The following WNK2 variants were observed in gnomAD, a reference collection of about 807,000 sequenced individuals.
The protein encoded by WNK2 is serine/threonine-protein kinase WNK2.
Under a neutral mutation model 192.1 loss-of-function variants are expected in WNK2, and 67 were observed. The observed-to-expected ratio is 0.35, with a 90% CI of 0.29 to 0.43. The LOEUF (loss-of-function observed/expected upper bound fraction) is 0.43, where lower values mean the gene tolerates loss of function less well. Among genes scored for constraint, WNK2 ranks in the 20% least tolerant of loss-of-function variants. The pLI, the probability that WNK2 is intolerant of heterozygous loss-of-function variation, is 1.00. For missense variants in WNK2, 2,698 were observed against 3,089.7 expected, an observed-to-expected ratio of 0.87 and a Z score of 3.01; for synonymous variants, 1,439 against 1,393.9, an observed-to-expected ratio of 1.03 and a Z score of -0.72.
rs981048099 is a variant in WNK2, at chr9:93,300,145, C to T, written c.6210C>T (p.Ser2070=). ...TCCTCAGTGGACCCGTATCTGTGTCCATCTGTCTGTATTTGTTCTTTTGTA... is the reference window on the plus strand; with the variant it reads ...TCCTCAGTGGACCCGTATCTGTGTCTATCTGTCTGTATTTGTTCTTTTGTA... ...ARFLSGPVSV[S]IWSALKRLCL... is the part of the protein sequence containing the mutation. The change falls in exon 26 of 30, where the codon TCC becomes TCT. Residue 2070 remains serine (S), a synonymous_variant. Transcript: ENST00000427277. The T allele has an allele frequency of 1.9e-6, 3 of 1,612,588 alleles. No individual in the cohort carries two copies. Among genetic ancestry groups the T allele is most frequent in the Non-Finnish European group, 2.5e-6 (3 of 1,179,126 alleles).
chr9:93,234,922 C>T lies in WNK2; in HGVS notation c.1190C>T (p.Ser397Leu), dbSNP rs1257653160. 9.9e-6 allele frequency: 16 copies of T among 1,614,164 alleles called. No homozygotes were observed. The highest frequency in any genetic ancestry group is 1.0e-5 in the Non-Finnish European group (12 of 1,179,998). The change falls in exon 5 of 30, where the codon TCG (serine) becomes TTG (leucine). Residue 397 changes from serine to leucine, a missense_variant. Ser to Leu is a moderately radical substitution (Grantham distance 145). This residue lies in a region of WNK2 where 230 missense variants were observed against 501.1 expected (regional missense o/e 0.46). Transcript: ENST00000427277. ...LEMATSEYPY[S>L]ECQNAAQIYR... ...ATGGCCACCTCGGAGTACCCCTACTCGGAGTGCCAGAATGCGGCCCAGATC... is the reference window on the plus strand; with the variant it reads ...ATGGCCACCTCGGAGTACCCCTACTTGGAGTGCCAGAATGCGGCCCAGATC...
At chr9:93,237,207 T>G (rs376928273) in intron 5 of WNK2, among the ~76,000 whole-genome samples, 399 of 152,372 alleles carry the variant, frequency 2.6e-3, no homozygotes, top group African/African-American at 9.0e-3. Flanking sequence ...ATCTATGGGC[T>G]TAGAGTTTCC....
intron 28 of WNK2, chr9:93,316,347 G>A (rs1030597108): frequency 6.6e-6 from 1 of 152,108 alleles, no homozygotes; most frequent in Non-Finnish European, 1.5e-5. Context: ...GGCTGGGAGT[G>A]GATTCAGTCT....
At position 93,263,719 on chromosome 9, in the gene WNK2, G is replaced by C. The variant is rs766852058; in HGVS notation, c.3564G>C (p.Arg1188=). The change falls in exon 15 of 30, where the codon CGG becomes CGC. Residue 1188 remains arginine (R), a synonymous_variant. Coordinates refer to ENST00000427277, the MANE Select transcript of WNK2 (RefSeq NM_006648.4). The part of the protein sequence containing the change: ...RSRQERASRP[R]LTILNVCNTG... The stretch of plus-strand genomic sequence containing the variant: ...GGCAGGAGAGGGCCAGCCGGCCCCG[G>C]CTTACCATCTTGAACGTGAGTGGGC... 54 of 1,515,624 alleles carry C rather than the reference G, an allele frequency of 3.6e-5. No homozygotes were observed. Among genetic ancestry groups the C allele is most frequent in the Non-Finnish European group, 3.0e-5 (34 of 1,136,202 alleles). 93.9% of individuals were successfully genotyped at this position (1,515,624 alleles called of 1,614,324 possible).
chr9:93,291,730 G>A (rs1219953650), intron 21 of WNK2, among the ~76,000 whole-genome samples: 4 of 152,166 alleles, frequency 2.6e-5, no homozygotes, highest in African/African-American at 4.8e-5. Context: ...GCCTACCCAC[G>A]AGTTTCTTTT....
chr9:93,318,586 AC>A lies in WNK2; in HGVS notation c.6628+958del, dbSNP rs550098324. On this transcript the variant is annotated intron_variant, in intron 29 of 29. Transcript: ENST00000427277. The stretch of plus-strand genomic sequence containing the variant: ...GATAAGGTGTGTGTTGGGCATAGAA[AC>A]CCTGGCTGCCCGCCCACCCTGTGGA... 220 of 1,607,960 alleles carry A rather than the reference AC, an allele frequency of 1.4e-4. No homozygotes were observed. In the African/African-American group the frequency reaches 2.8e-3, roughly 20 times the overall value.
intron 7 of WNK2, among the ~76,000 whole-genome samples, chr9:93,245,571 G>A (rs927453954): frequency 5.9e-5 from 9 of 152,216 alleles, no homozygotes; most frequent in African/African-American, 2.2e-4. Context: ...GGTGCACGGC[G>A]CCTGTGGCTT....
intron 12 of WNK2, among the ~76,000 whole-genome samples, chr9:93,261,161 G>A (rs1283087933): frequency 3.3e-5 from 5 of 152,186 alleles, no homozygotes; most frequent in Admixed American, 3.3e-4. Context: ...CCAACAGAGG[G>A]TCTCAGGGCC....
At chr9:93,188,133 C>T (rs892741923) in intron 2 of WNK2, among the ~76,000 whole-genome samples, 1 of 152,154 alleles carries the variant, frequency 6.6e-6, no homozygotes, top group Non-Finnish European at 1.5e-5. Flanking sequence ...GCCAGGAGCC[C>T]TTCTTGGAAT....
chr9:93,290,721 G>C (rs564999081), intron 21 of WNK2, among the ~76,000 whole-genome samples: 3 of 152,358 alleles, frequency 2.0e-5, no homozygotes, highest in South Asian at 2.1e-4. Context: ...GCGGTGGGGG[G>C]GGCGCTGTGA....
intron 2 of WNK2, among the ~76,000 whole-genome samples, chr9:93,197,786 G>T (rs962092565): frequency 2.6e-5 from 4 of 152,166 alleles, no homozygotes; most frequent in East Asian, 1.9e-4. Flanking sequence ...GCCTCCCAAA[G>T]TGCTAGGATT....
intron 8 of WNK2, among the ~76,000 whole-genome samples, chr9:93,251,431 A>G (rs1378286604): frequency 6.6e-6 from 1 of 152,080 alleles, no homozygotes; most frequent in Non-Finnish European, 1.5e-5. Context: ...TTCACTTTAA[A>G]TATGTAAAAT....
intron 27 of WNK2, chr9:93,307,944 A>T (rs1357651139): frequency 8.4e-6 from 2 of 237,824 alleles, no homozygotes; most frequent in South Asian, 7.3e-5. Context: ...GAGGAACCTG[A>T]CTCTAGGCAC....
intron 2 of WNK2, among the ~76,000 whole-genome samples, chr9:93,213,833 A>C (rs931593857): frequency 2.0e-5 from 3 of 152,222 alleles, no homozygotes; most frequent in Non-Finnish European, 4.4e-5. Flanking sequence ...GTTATGCTGG[A>C]GATTACAACA....
At chr9:93,269,344 A>G (rs1303868832) in intron 19 of WNK2, among the ~76,000 whole-genome samples, 1 of 152,218 alleles carries the variant, frequency 6.6e-6, no homozygotes. Context: ...ACCAGTTGGC[A>G]GGGGAAAGTT....
chr9:93,262,598 A>C (rs969183689), intron 13 of WNK2, 72 bp from the exon 14 acceptor site: 1 of 1,537,464 alleles, frequency 6.5e-7, no homozygotes, highest in Non-Finnish European at 9.0e-7. Context: ...AGAGCTGACT[A>C]TGCGTGGCTG....
chr9:93,294,179 C>G (rs142068045), intron 23 of WNK2, among the ~76,000 whole-genome samples: 13 of 152,196 alleles, frequency 8.5e-5, no homozygotes, highest in African/African-American at 1.7e-4. Flanking sequence ...TTCTCTCCTG[C>G]GAGCCCTCTC....
intron 19 of WNK2, among the ~76,000 whole-genome samples, chr9:93,286,299 G>C (rs936463983): frequency 1.3e-5 from 2 of 151,974 alleles, no homozygotes; most frequent in Non-Finnish European, 2.9e-5. Flanking sequence ...GCATCATGAA[G>C]AACCACAAAT....
At chr9:93,256,832 G>T in intron 10 of WNK2, 116 bp from the exon 11 acceptor site, 1 of 941,062 alleles carries the variant, frequency 1.1e-6, no homozygotes, top group South Asian at 1.7e-5. Flanking sequence ...GTGTGAATGT[G>T]AGCATGTGCG....
Sources: gnomAD v4.1 joint callset for allele counts (sites outside exome capture counted in the v4.1 genomes callset) on GRCh38, gnomAD v4.1.1 for gene constraint, gnomAD v4.1.1 regional missense constraint, MANE v1.5 for transcripts, NCBI Gene and HGNC (gene_info 2026-07-23, HGNC 2026-07-21) for gene names.